Variants in MFAP3L observed in about 807,000 individuals in gnomAD.
MFAP3L encodes microfibrillar-associated protein 3-like.
MFAP3L carries 5 observed loss-of-function variants against 20.0 expected under a neutral mutation model. The observed-to-expected ratio is 0.25, with a 90% CI of 0.13 to 0.53. The LOEUF is 0.53. Ranked by LOEUF, MFAP3L falls within the 20% of genes least tolerant of loss-of-function variation. MFAP3L has a pLI of 0.96. For synonymous variants in MFAP3L, 219 were observed against 213.0 expected, an observed-to-expected ratio of 1.03 and a Z score of -0.25; for missense variants, 409 against 527.5, an observed-to-expected ratio of 0.78 and a Z score of 2.20.
intron 1 of MFAP3L, among the ~76,000 whole-genome samples, chr4:170,014,077 T>A (rs762400949): frequency 5.3e-5 from 8 of 152,216 alleles, no homozygotes; most frequent in Non-Finnish European, 8.8e-5. Flanking sequence ...TTTGACACCG[T>A]CCTTATTAGA....
intron 2 of MFAP3L, among the ~76,000 whole-genome samples, chr4:169,995,542 C>T (rs558112571): frequency 1.3e-5 from 2 of 152,316 alleles, no homozygotes; most frequent in South Asian, 4.1e-4. Flanking sequence ...GAATCTCCAT[C>T]CACACGGCAC....
intron 1 of MFAP3L, among the ~76,000 whole-genome samples, chr4:170,010,571 A>G (rs1229208312): frequency 6.6e-6 from 1 of 152,134 alleles, no homozygotes; most frequent in Admixed American, 6.6e-5. Flanking sequence ...GACATTTACG[A>G]TGATCCACTT....
At chr4:170,013,670 C>G (rs1038150378) in intron 1 of MFAP3L, among the ~76,000 whole-genome samples, 1 of 152,126 alleles carries the variant, frequency 6.6e-6, no homozygotes, top group Non-Finnish European at 1.5e-5. Context: ...TTCCATAAAG[C>G]CAATTATTAA....
At chr4:170,019,381 T>C (rs900786597) in intron 1 of MFAP3L, among the ~76,000 whole-genome samples, 1 of 152,072 alleles carries the variant, frequency 6.6e-6, no homozygotes, top group Non-Finnish European at 1.5e-5. Context: ...ACTTCATGTC[T>C]ACAAAAAAAT....
At chr4:169,996,904 C>A (rs1390550332) in intron 2 of MFAP3L, among the ~76,000 whole-genome samples, 1 of 152,148 alleles carries the variant, frequency 6.6e-6, no homozygotes, top group Non-Finnish European at 1.5e-5. Flanking sequence ...TCTTCCTCCC[C>A]ACCCCAAGTC....
chr4:169,991,324 T>C lies in MFAP3L; in HGVS notation c.*54A>G. 6.5e-7 allele frequency: 1 copy of C among 1,537,530 alleles called. No homozygotes were observed. On this transcript the variant is annotated 3_prime_UTR_variant, in exon 3 of 3. Transcript: ENST00000361618. This position sits in a 1 kb window ranked among gnomAD's most constrained non-coding sequence, Gnocchi z 4.9. ...GCGGCAAGTGCGTACTACATCTGTATTACAAGGAGCAGCCCCTGATTTTCT... is the reference window on the plus strand; with the variant it reads ...GCGGCAAGTGCGTACTACATCTGTACTACAAGGAGCAGCCCCTGATTTTCT...
chr4:169,996,817 T>C lies in MFAP3L; in HGVS notation c.299-4508A>G, dbSNP rs368623696. Among the ~76,000 whole-genome samples, 23 of 152,308 alleles carry C rather than the reference T, an allele frequency of 1.5e-4. No homozygotes were observed. The East Asian group carries it at 3.9e-3, about 26-fold the overall frequency. On this transcript the variant is annotated intron_variant, in intron 2 of 2. Coordinates refer to ENST00000361618, the MANE Select transcript of MFAP3L (RefSeq NM_021647.8). Reference sequence around the variant, plus strand: ...GACCTCATTTACATGACTTTTCCCCTGACAGGTTTGCCTTACTGTATTTCT... The same window carrying C: ...GACCTCATTTACATGACTTTTCCCCCGACAGGTTTGCCTTACTGTATTTCT...
Position 169,988,296 on chromosome 4 carries a change from A to G in MFAP3L, c.*3082T>C, listed in dbSNP as rs1201122955. 2.6e-5 allele frequency: 4 copies of G among 152,228 alleles called. No individual in the cohort carries two copies. The highest frequency in any genetic ancestry group is 6.5e-5 in the Admixed American group (1 of 15,284). 9.4% of individuals were successfully genotyped at this position (152,228 alleles called of 1,614,324 possible). Reference sequence around the variant, plus strand: ...AATTACATAGATTTTTCCATATAAAATTGTTTTCCCCATTTAGAATAAATA... The same window carrying G: ...AATTACATAGATTTTTCCATATAAAGTTGTTTTCCCCATTTAGAATAAATA... On this transcript the variant is annotated 3_prime_UTR_variant, in exon 3 of 3. Transcript: ENST00000361618.
chr4:170,008,149 G>T lies in MFAP3L; in HGVS notation c.-133-2139C>A, dbSNP rs752318209. On this transcript the variant is annotated intron_variant, in intron 1 of 2. Coordinates refer to ENST00000361618, the MANE Select transcript of MFAP3L (RefSeq NM_021647.8). ...CTGTTCTGAAATGGAATCTAGTTCC[G>T]TTAGAGACCTTACGAGATACAGAAG... Among the ~76,000 whole-genome samples, 3 of 152,058 alleles carry T rather than the reference G, an allele frequency of 2.0e-5. No individual in the cohort carries two copies. The South Asian group carries it at 6.2e-4, about 32-fold the overall frequency.
chr4:170,010,620 G>A (rs1739315350), intron 1 of MFAP3L, among the ~76,000 whole-genome samples: 1 of 152,202 alleles, frequency 6.6e-6, no homozygotes, highest in Middle Eastern at 3.4e-3. Context: ...TCCTTCTTAA[G>A]ATTTTCTTAA....
In MFAP3L at chr4:169,995,710, G is replaced by A. The variant is rs560075859; in HGVS notation, c.299-3401C>T. Among the ~76,000 whole-genome samples the A allele has an allele frequency of 9.2e-5, 14 of 152,196 alleles. No individual in the cohort carries two copies. The South Asian group carries it at 1.2e-3, about 14-fold the overall frequency. On this transcript the variant is annotated intron_variant, in intron 2 of 2. Coordinates refer to ENST00000361618, the MANE Select transcript of MFAP3L (RefSeq NM_021647.8). ...CCCACGGTGACTATCACAGATCTTC[G>A]GGGCTTTACACGCGAAGTGGGGATA...
rs151171228 is a variant in MFAP3L at position 169,992,525 on chromosome 4, C to T, written c.299-216G>A. On this transcript the variant is annotated intron_variant, in intron 2 of 2. Transcript: ENST00000361618. The surrounding 1 kb of genome is among the most constrained non-coding windows in gnomAD (Gnocchi z 4.3). ...GCAAGGTGGCCCCTGACACTGCCTC[C>T]GTTTTACAGGATGAGGAAACTGAGG... is the stretch of plus-strand genomic sequence containing the variant. Among the ~76,000 whole-genome samples, 1 of 152,312 alleles carries T rather than the reference C, an allele frequency of 6.6e-6. No homozygotes were observed. Among genetic ancestry groups the T allele is most frequent in the African/African-American group, 2.4e-5 (1 of 41,560 alleles).
At chr4:170,025,838 G>T (rs868617104) in intron 1 of MFAP3L, among the ~76,000 whole-genome samples, 1 of 152,178 alleles carries the variant, frequency 6.6e-6, no homozygotes, top group Non-Finnish European at 1.5e-5. Flanking sequence ...CCCTGTCCGG[G>T]TAAACTGAGG....
rs561958967 is a variant in MFAP3L, at chr4:169,987,748, G to A, written c.*3630C>T. ...GTGCTAAAGAGCTGAGCAGATCCTA[G>A]ATCACCAATAAATAAAGATCCAAGC... On this transcript the variant is annotated 3_prime_UTR_variant, in exon 3 of 3. Coordinates refer to ENST00000361618, the MANE Select transcript of MFAP3L (RefSeq NM_021647.8). The A allele has an allele frequency of 6.6e-6, 1 of 152,200 alleles. No individual in the cohort carries two copies. Among genetic ancestry groups the A allele is most frequent in the South Asian group, 2.1e-4 (1 of 4,830 alleles). The allele number at this position is 152,200 out of a possible 1,614,324, so 9.4% of individuals were successfully genotyped here.
chr4:169,991,552 A>G lies in MFAP3L; in HGVS notation c.1056T>C (p.His352=), dbSNP rs764827287. The change falls in exon 3 of 3, where the codon CAT becomes CAC. Residue 352 remains histidine, a synonymous_variant. Transcript: ENST00000361618. This position sits in a 1 kb window ranked among gnomAD's most constrained non-coding sequence, Gnocchi z 4.9. ...TAGAAGGTTCTGCAGTTTCGGGGGAATGTTCCGCCGACAGTTCTGTCTCCT... is the reference window on the plus strand; with the variant it reads ...TAGAAGGTTCTGCAGTTTCGGGGGAGTGTTCCGCCGACAGTTCTGTCTCCT... The part of the protein sequence containing the change: ...DVEETELSAE[H]SPETAEPSTD... The G allele has an allele frequency of 2.5e-6, 4 of 1,614,106 alleles. No individual in the cohort carries two copies. The highest frequency in any genetic ancestry group is 2.5e-6 in the Non-Finnish European group (3 of 1,180,030).
chr4:170,003,799 A>G, intron 2 of MFAP3L: 1 of 985,446 alleles, frequency 1.0e-6, no homozygotes, highest in Non-Finnish European at 1.2e-6. Context: ...CCTGGCCTGC[A>G]GTGTCTTTGT....
rs952233678 is a variant in MFAP3L, at chr4:170,026,343, G to A, written c.-243C>T. On this transcript the variant is annotated 5_prime_UTR_variant, in exon 1 of 3. Coordinates refer to ENST00000361618, the MANE Select transcript of MFAP3L (RefSeq NM_021647.8). Reference sequence around the variant, plus strand: ...CCGGACGCCCGGTAGCGCCTACTGCGGGCGAGCCGCCTCCGCCGGCGCCTC... The same window carrying A: ...CCGGACGCCCGGTAGCGCCTACTGCAGGCGAGCCGCCTCCGCCGGCGCCTC... The A allele has an allele frequency of 9.5e-6, 9 of 948,336 alleles. No individual in the cohort carries two copies. The African/African-American group carries it at 1.6e-4, about 17-fold the overall frequency. The allele number at this position is 948,336 out of a possible 1,614,324, so 58.7% of individuals were successfully genotyped here.
At chr4:170,001,826 T>G (rs1738642757) in intron 2 of MFAP3L, 1 of 708,230 alleles carries the variant, frequency 1.4e-6, no homozygotes, top group Non-Finnish European at 1.7e-6. Flanking sequence ...GATCACACAT[T>G]AGCCTCTCCT....
Position 169,986,986 on chromosome 4 carries a change from T to C in MFAP3L, c.*4392A>G, listed in dbSNP as rs1737321474. ...ATTTACTTTCTATTTTTACATTCTC[T>C]AGCTTCAATTTTGATTGTAGTATTC... On this transcript the variant is annotated 3_prime_UTR_variant, in exon 3 of 3. Coordinates refer to ENST00000361618, the MANE Select transcript of MFAP3L (RefSeq NM_021647.8). 3 of 152,212 alleles carry C rather than the reference T, an allele frequency of 2.0e-5. No individual in the cohort carries two copies. Among genetic ancestry groups the C allele is most frequent in the South Asian group, 4.1e-4 (2 of 4,836 alleles). 9.4% of individuals were successfully genotyped at this position (152,212 alleles called of 1,614,324 possible). A position where few individuals can be genotyped will look rare whatever the true frequency, so the allele number is the denominator to read the frequency against.
Sources: gnomAD v4.1 joint callset for allele counts (sites outside exome capture counted in the v4.1 genomes callset) on GRCh38, gnomAD v4.1.1 for gene constraint, Gnocchi (gnomAD v3.1) non-coding constraint, MANE v1.5 for transcripts, NCBI Gene and HGNC (gene_info 2026-07-23, HGNC 2026-07-21) for gene names.